Variants in FTO observed in about 807,000 individuals in gnomAD.
FTO encodes FTO alpha-ketoglutarate dependent dioxygenase, also known as alpha-ketoglutarate-dependent dioxygenase FTO.
FTO carries 47 observed loss-of-function variants against 63.9 expected under a neutral mutation model. That is an observed-to-expected ratio of 0.74 (90% confidence interval 0.58 to 0.94). FTO has a LOEUF of 0.94. FTO is among the 40% of genes least tolerant of loss of function. FTO has a pLI of 0.00. For synonymous variants in FTO, 207 were observed against 224.4 expected (o/e 0.92, Z 0.69); for missense variants, 562 against 618.1 (o/e 0.91, Z 0.96).
At chr16:53,949,475 A>G (rs1236224163) in intron 8 of FTO, among the ~76,000 whole-genome samples, 2 of 152,240 alleles carry the variant, frequency 1.3e-5, no homozygotes, top group Non-Finnish European at 2.9e-5. Flanking sequence ...ACGCATGTGT[A>G]GTTAAATTTC....
At chr16:53,714,984 T>G (rs1291082767) in intron 1 of FTO, among the ~76,000 whole-genome samples, 1 of 152,188 alleles carries the variant, frequency 6.6e-6, no homozygotes, top group East Asian at 1.9e-4. Flanking sequence ...GGCAATTTTC[T>G]CTTCATATGT....
intron 5 of FTO, among the ~76,000 whole-genome samples, chr16:53,876,798 A>T (rs1049209638): frequency 6.6e-6 from 1 of 152,148 alleles, no homozygotes; most frequent in African/African-American, 2.4e-5. Flanking sequence ...GTGGTGCCAC[A>T]TGCCTGTAAT....
At chr16:54,103,804 G>C (rs1458166942) in intron 8 of FTO, among the ~76,000 whole-genome samples, 3 of 152,180 alleles carry the variant, frequency 2.0e-5, no homozygotes, top group Admixed American at 2.0e-4. Context: ...AGGATTTAGA[G>C]TGTCAAGGGA....
chr16:54,048,873 T>C (rs2085247777), intron 8 of FTO, among the ~76,000 whole-genome samples: 1 of 152,202 alleles, frequency 6.6e-6, no homozygotes, highest in Non-Finnish European at 1.5e-5. Context: ...TCCTACCCCC[T>C]TTTAATTATT....
chr16:54,025,222 A>T (rs912946198), intron 8 of FTO, among the ~76,000 whole-genome samples: 7 of 152,196 alleles, frequency 4.6e-5, no homozygotes, highest in Non-Finnish European at 8.8e-5. Context: ...TCCCAGACGA[A>T]ATTGGAGCAC....
At chr16:53,895,465 A>G (rs778132931) in intron 7 of FTO, among the ~76,000 whole-genome samples, 2 of 152,206 alleles carry the variant, frequency 1.3e-5, no homozygotes, top group African/African-American at 2.4e-5. Context: ...ACCGTCTGAT[A>G]GTGTTCAGGG....
rs987851102 is a variant in FTO, at chr16:53,829,846, C to T, written c.751+3355C>T. Among the ~76,000 whole-genome samples the T allele has an allele frequency of 2.6e-5, 4 of 152,160 alleles. No homozygotes were observed. The South Asian group carries it at 8.3e-4, about 32-fold the overall frequency. On this transcript the variant is annotated intron_variant, in intron 3 of 8. Coordinates refer to ENST00000471389, the MANE Select transcript of FTO (RefSeq NM_001080432.3). ...TTGAAATCACTTGATTCTAGCCTTT[C>T]ATTTTACAAATGAAAACACCGAGAA...
intron 8 of FTO, chr16:53,981,166 A>C (rs2083533364): frequency 6.6e-6 from 1 of 152,140 alleles, no homozygotes. Context: ...CCATACAACA[A>C]GTTTAAAAAT....
At chr16:53,804,017 G>A (rs2078291743) in intron 1 of FTO, among the ~76,000 whole-genome samples, 1 of 152,198 alleles carries the variant, frequency 6.6e-6, no homozygotes, top group African/African-American at 2.4e-5. Flanking sequence ...TTCCAGACAT[G>A]AGTAAATAAC....
intron 1 of FTO, among the ~76,000 whole-genome samples, chr16:53,730,148 A>G (rs2076239972): frequency 6.6e-6 from 1 of 152,192 alleles, no homozygotes; most frequent in African/African-American, 2.4e-5. Flanking sequence ...TCCATGATTG[A>G]TAGAGAGACT....
chr16:54,003,788 A>G (rs2084129078), intron 8 of FTO, among the ~76,000 whole-genome samples: 1 of 152,262 alleles, frequency 6.6e-6, no homozygotes, highest in Non-Finnish European at 1.5e-5. Flanking sequence ...CTATTAAAAA[A>G]AGATCTTAAG....
At chr16:54,033,384 T>G (rs1241861281) in intron 8 of FTO, among the ~76,000 whole-genome samples, 1 of 152,204 alleles carries the variant, frequency 6.6e-6, no homozygotes, top group Non-Finnish European at 1.5e-5. Context: ...GCTTCAGGTT[T>G]GAAAAGTGAG....
At chr16:53,873,414 G>T (rs1203897474) in intron 4 of FTO, among the ~76,000 whole-genome samples, 1 of 151,178 alleles carries the variant, frequency 6.6e-6, no homozygotes. Flanking sequence ...TACTTTGTAT[G>T]ATAGAATATA....
chr16:54,089,241 T>A (rs1290667208), intron 8 of FTO, among the ~76,000 whole-genome samples: 3 of 152,208 alleles, frequency 2.0e-5, no homozygotes, highest in Non-Finnish European at 2.9e-5. Context: ...TAATTAAAGA[T>A]TCTAGAATAT....
chr16:53,973,592 T>C (rs1432869728), intron 8 of FTO, among the ~76,000 whole-genome samples: 1 of 152,176 alleles, frequency 6.6e-6, no homozygotes. Flanking sequence ...ATTCTGCCTC[T>C]GGTTCTGCCT....
At chr16:54,007,731 A>G (rs551199190) in intron 8 of FTO, among the ~76,000 whole-genome samples, 230 of 152,304 alleles carry the variant, frequency 1.5e-3, no homozygotes, top group African/African-American at 5.3e-3. Flanking sequence ...TTGTGACCCT[A>G]AGGGAATGCT....
At chr16:54,040,006 T>C (rs985575163) in intron 8 of FTO, 11 of 152,206 alleles carry the variant, frequency 7.2e-5, no homozygotes, top group Admixed American at 5.9e-4. Context: ...CAGTTACACT[T>C]AACTGCTCCT....
chr16:53,837,480 A>G (rs2079332403), intron 3 of FTO, among the ~76,000 whole-genome samples: 1 of 152,180 alleles, frequency 6.6e-6, no homozygotes, highest in South Asian at 2.1e-4. Flanking sequence ...GCTTCTTGTT[A>G]TAGATTCTGA....
chr16:53,815,213 G>A (rs1480801556), intron 2 of FTO, among the ~76,000 whole-genome samples: 1 of 152,098 alleles, frequency 6.6e-6, no homozygotes, highest in East Asian at 1.9e-4. Flanking sequence ...AAGCGTGACA[G>A]GATGTCACTT....
Sources: allele counts gnomAD v4.1 joint callset (sites outside exome capture counted in the v4.1 genomes callset), GRCh38; gene constraint gnomAD v4.1.1; transcripts MANE v1.5; gene names NCBI Gene and HGNC (gene_info 2026-07-23, HGNC 2026-07-21).